Variants in UBA3 observed in about 807,000 individuals in gnomAD.
UBA3 encodes NEDD8-activating enzyme E1 catalytic subunit.
UBA3 carries 26 observed loss-of-function variants against 73.5 expected under a neutral mutation model. The observed-to-expected ratio is 0.35, with a 90% CI of 0.26 to 0.49. The LOEUF (loss-of-function observed/expected upper bound fraction) is 0.49. Among genes scored for constraint, UBA3 ranks in the 20% least tolerant of loss-of-function variants. The pLI is 0.98. For synonymous variants in UBA3, 217 were observed against 191.2 expected, an observed-to-expected ratio of 1.13 and a Z score of -1.11; for missense variants, 495 against 555.6, an observed-to-expected ratio of 0.89 and a Z score of 1.10.
At chr3:69,069,856 A>G (rs1439403071) in intron 5 of UBA3, among the ~76,000 whole-genome samples, 4 of 152,234 alleles carry the variant, frequency 2.6e-5, no homozygotes, top group African/African-American at 9.6e-5. Context: ...ATGTGCTTTT[A>G]TGGCACGGCC....
At chr3:69,079,475 A>G (rs1360184759) in intron 2 of UBA3, among the ~76,000 whole-genome samples, 2 of 152,304 alleles carry the variant, frequency 1.3e-5, no homozygotes, top group East Asian at 3.9e-4. Flanking sequence ...AGGGGAGTAA[A>G]TTATGTGGCG....
At chr3:69,066,978 C>T (rs1384726859) in intron 6 of UBA3, among the ~76,000 whole-genome samples, 1 of 152,150 alleles carries the variant, frequency 6.6e-6, no homozygotes, top group Non-Finnish European at 1.5e-5. Flanking sequence ...GCCACTGAGT[C>T]TGGATTACTA....
chr3:69,057,187 A>G, intron 12 of UBA3, 69 bp downstream of exon 12: 1 of 1,500,758 alleles, frequency 6.7e-7, no homozygotes, highest in Non-Finnish European at 9.2e-7. Flanking sequence ...CTACAACACA[A>G]AAAAGCTGCA....
intron 14 of UBA3, 119 bp from the exon 15 acceptor site, chr3:69,056,402 T>C (rs1265425730): frequency 1.0e-6 from 1 of 968,702 alleles, no homozygotes; most frequent in Non-Finnish European, 1.5e-6. Flanking sequence ...ATAAAAAAAT[T>C]TTTATGCTTT....
chr3:69,077,615 A>T, intron 3 of UBA3, 183 bp downstream of exon 3: 1 of 617,802 alleles, frequency 1.6e-6, no homozygotes, highest in Non-Finnish European at 2.5e-6. Flanking sequence ...GAGAAATGTT[A>T]AGACTCAAAT....
At chr3:69,057,220 G>A (rs2091981489) in intron 12 of UBA3, 36 bp downstream of exon 12, 1 of 1,596,788 alleles carries the variant, frequency 6.3e-7, no homozygotes, top group Admixed American at 1.8e-5. Context: ...ACTAAAGAAA[G>A]CAAAATAAAC....
Position 69,055,992 on chromosome 3 carries a change from T to G in UBA3, c.1248+8A>C, listed in dbSNP as rs201460306. On this transcript the variant is annotated splice_region_variant and intron_variant, in intron 16 of 17. Coordinates refer to ENST00000361055, the MANE Select transcript of UBA3 (RefSeq NM_003968.4). ...TTCTGAAAAAAATTTAAAATACACA[T>G]TGATAACCTGTAAGTAAAGTGTTCT... 6.5e-5 allele frequency: 104 copies of G among 1,603,832 alleles called. No individual in the cohort carries two copies. The highest frequency in any genetic ancestry group is 8.5e-5 in the Non-Finnish European group (100 of 1,176,612).
At chr3:69,075,554 C>T in intron 3 of UBA3, 44 bp from the exon 4 acceptor site, 2 of 1,286,536 alleles carry the variant, frequency 1.6e-6, no homozygotes, top group Non-Finnish European at 1.1e-6. Context: ...GTGATAACCG[C>T]AAAGACTATA....
At chr3:69,057,442 T>A in intron 11 of UBA3, 133 bp from the exon 12 acceptor site, 2 of 764,884 alleles carry the variant, frequency 2.6e-6, no homozygotes, top group Non-Finnish European at 2.1e-6. Flanking sequence ...AAAATAAATT[T>A]AACCATGAAA....
intron 11 of UBA3, among the ~76,000 whole-genome samples, chr3:69,061,415 G>A (rs1354329723): frequency 6.6e-6 from 1 of 152,176 alleles, no homozygotes; most frequent in Admixed American, 6.5e-5. Context: ...GACTGCTCTC[G>A]AACTCCTGAC....
intron 14 of UBA3, 45 bp from the exon 15 acceptor site, chr3:69,056,328 T>C (rs747921674): frequency 7.3e-7 from 1 of 1,362,856 alleles, no homozygotes; most frequent in Non-Finnish European, 1.0e-6. Flanking sequence ...CATGCACCAA[T>C]ATTAGTCTCT....
At chr3:69,060,732 G>C (rs907604605) in intron 11 of UBA3, among the ~76,000 whole-genome samples, 4 of 152,202 alleles carry the variant, frequency 2.6e-5, no homozygotes, top group Non-Finnish European at 4.4e-5. Context: ...CCTAGTGGGA[G>C]GTGTTTGGAC....
chr3:69,079,290 G>A (rs1277919997), intron 2 of UBA3, among the ~76,000 whole-genome samples: 1 of 152,220 alleles, frequency 6.6e-6, no homozygotes, highest in African/African-American at 2.4e-5. Context: ...AAGTGGGAGG[G>A]AAATAAAAGG....
At chr3:69,073,027 G>A (rs1044233097) in intron 4 of UBA3, among the ~76,000 whole-genome samples, 3 of 146,698 alleles carry the variant, frequency 2.0e-5, no homozygotes, top group African/African-American at 5.5e-5. Flanking sequence ...TTGTCTAGAG[G>A]ACTATAATAA....
intron 9 of UBA3, among the ~76,000 whole-genome samples, chr3:69,062,404 A>G (rs941925377): frequency 6.6e-6 from 1 of 152,218 alleles, no homozygotes; most frequent in Non-Finnish European, 1.5e-5. Flanking sequence ...CAAGGTATAA[A>G]ATTTAAGCTT....
At chr3:69,078,719 C>T (rs182963788) in intron 2 of UBA3, among the ~76,000 whole-genome samples, 1 of 152,222 alleles carries the variant, frequency 6.6e-6, no homozygotes, top group East Asian at 1.9e-4. Context: ...GTAATCCGTC[C>T]ACCTCGGCCT....
In UBA3 at chr3:69,071,583, T is replaced by A. The variant is rs2092122576; in HGVS notation, c.299A>T (p.Asp100Val). ...ATTGGAAACATCTATAGTGTCCATATCTATAACATGAATCTGTCTAAAACC... is the reference window on the plus strand; with the variant it reads ...ATTGGAAACATCTATAGTGTCCATAACTATAACATGAATCTGTCTAAAACC... ...LSGFRQIHVI[D>V]MDTIDVSNLN... Residue 100 changes from aspartate (D) to valine (V), a missense_variant, in exon 5 of 18, where the codon GAT (aspartate) becomes GTT (valine). By Grantham distance (152) the Asp-to-Val change is radical. Coordinates refer to ENST00000361055, the MANE Select transcript of UBA3 (RefSeq NM_003968.4). 1 of 1,565,532 alleles carries A rather than the reference T, an allele frequency of 6.4e-7. No homozygotes were observed. Among genetic ancestry groups the A allele is most frequent in the Non-Finnish European group, 8.6e-7 (1 of 1,165,178 alleles).
intron 6 of UBA3, among the ~76,000 whole-genome samples, chr3:69,066,235 C>A (rs1375379294): frequency 6.6e-6 from 1 of 152,100 alleles, no homozygotes; most frequent in East Asian, 1.9e-4. Flanking sequence ...AGTATGACCA[C>A]AGCCTACTAT....
chr3:69,074,545 T>C (rs574906495), intron 4 of UBA3, among the ~76,000 whole-genome samples: 2 of 152,350 alleles, frequency 1.3e-5, no homozygotes, highest in South Asian at 4.1e-4. Context: ...TATGTTTATA[T>C]TTAAACTTTA....
Sources: gnomAD v4.1 joint callset for allele counts (sites outside exome capture counted in the v4.1 genomes callset) on GRCh38, gnomAD v4.1.1 for gene constraint, MANE v1.5 for transcripts, NCBI Gene and HGNC (gene_info 2026-07-23, HGNC 2026-07-21) for gene names.